The following RASIP1 variants were observed in gnomAD, a reference collection of about 807,000 sequenced individuals.
RASIP1 encodes the protein ras-interacting protein 1.
RASIP1 carries 20 observed loss-of-function variants against 85.3 expected under a neutral mutation model. That is an observed-to-expected ratio of 0.23 (90% confidence interval 0.17 to 0.34). The LOEUF (loss-of-function observed/expected upper bound fraction) is 0.34. Among genes scored for constraint, RASIP1 ranks in the 10% least tolerant of loss-of-function variants. The pLI is 1.00. For missense variants in RASIP1, 1,170 were observed against 1,390.9 expected, an observed-to-expected ratio of 0.84 and a Z score of 2.53; for synonymous variants, 617 against 647.1, an observed-to-expected ratio of 0.95 and a Z score of 0.71.
In RASIP1 at chr19:48,720,930, G is replaced by T; in HGVS notation, c.2760C>A (p.Arg920=). The T allele has an allele frequency of 2.5e-6, 4 of 1,613,588 alleles. No homozygotes were observed. Among genetic ancestry groups the T allele is most frequent in the Non-Finnish European group, 3.4e-6 (4 of 1,179,924 alleles). Residue 920 remains arginine (R), a synonymous_variant, in exon 12 of 12, where the codon CGC becomes CGA. Transcript: ENST00000222145. ...CATCGTCCGTCACTGGACCAGTGAG[G>T]CGCAGGCGCGAGCTCCCCAGGGGGA... The part of the protein sequence containing the change: ...LILPLGSSRL[R]LTGPVTDDAL...
In RASIP1 at chr19:48,740,420, G is replaced by A; in HGVS notation, c.-5+101C>T. ...GCGAGTCCAGGGGGAGGAGAGGGAT[G>A]GTACCCTGGATTCCTGGGTCCTGGG... On this transcript the variant is annotated intron_variant, in intron 1 of 11. Coordinates refer to ENST00000222145, the MANE Select transcript of RASIP1 (RefSeq NM_017805.3). The surrounding 1 kb of genome is among the most constrained non-coding windows in gnomAD (Gnocchi z 5.5). 2 of 1,395,610 alleles carry A rather than the reference G, an allele frequency of 1.4e-6. No individual in the cohort carries two copies. The highest frequency in any genetic ancestry group is 1.9e-6 in the Non-Finnish European group (2 of 1,065,518). The allele number at this position is 1,395,610 out of a possible 1,614,324, so 86.5% of individuals were successfully genotyped here. A position where few individuals can be genotyped will look rare whatever the true frequency, so the allele number is the denominator to read the frequency against.
rs929364189 is a variant in RASIP1 at position 48,729,562 on chromosome 19, T to C, written c.1208A>G (p.Glu403Gly). 6 of 1,601,320 alleles carry C rather than the reference T, an allele frequency of 3.7e-6. No individual in the cohort carries two copies. The change falls in exon 5 of 12, where the codon GAG (glutamate) becomes GGG (glycine). Residue 403 changes from glutamate to glycine, a missense_variant. Transcript: ENST00000222145. ...CCCACCTCGCCCAAACACGTGCTGC[T>C]CTCGCGTCATCACATACACCACAAA... ...QDFVVYVMTR[E>G]QHVFGRGGNS...
rs1343851824 is a variant in RASIP1, at chr19:48,724,966, A to G, written c.2128-6T>C. On this transcript the variant is annotated splice_region_variant and splice_polypyrimidine_tract_variant and intron_variant, in intron 8 of 11. Coordinates refer to ENST00000222145, the MANE Select transcript of RASIP1 (RefSeq NM_017805.3). The surrounding 1 kb of genome is among the most constrained non-coding windows in gnomAD (Gnocchi z 4.6). ...GGCAGCGTTGAATAGAGAGTCTGAG[A>G]AAATAGAGAAGTGGAAACAAGTGAT... 1.2e-6 allele frequency: 2 copies of G among 1,607,980 alleles called. No homozygotes were observed. The highest frequency in any genetic ancestry group is 3.3e-5 in the Admixed American group (2 of 59,864).
intron 4 of RASIP1, among the ~76,000 whole-genome samples, chr19:48,731,980 C>A (rs2033466090): frequency 6.6e-6 from 1 of 152,178 alleles, no homozygotes; most frequent in Non-Finnish European, 1.5e-5. Flanking sequence ...ATCGGCAAAC[C>A]AAATGAATTC....
At position 48,721,871 on chromosome 19, in the gene RASIP1, C is replaced by T. The variant is rs764966014; in HGVS notation, c.2675G>A (p.Arg892Gln). ...PAAWDPPPAE[R>Q]EAVDTGDIFE... ...CTCCTCACCTGTGTCCACAGCCTCC[C>T]GCTCTGCAGGGGGAGGGTCCCACGC... The change falls in exon 11 of 12, where the codon CGG becomes CAG. Residue 892 changes from arginine to glutamine, a missense_variant. Around this residue, in one of 4 missense-constraint regions of RASIP1, gnomAD observed 144 missense variants for 125.5 expected, o/e 1.15. Transcript: ENST00000222145. 2.5e-6 allele frequency: 4 copies of T among 1,606,546 alleles called. No homozygotes were observed. Among genetic ancestry groups the T allele is most frequent in the Non-Finnish European group, 3.4e-6 (4 of 1,176,846 alleles).
At chr19:48,736,116 T>G (rs1301625439) in intron 3 of RASIP1, among the ~76,000 whole-genome samples, 2 of 151,594 alleles carry the variant, frequency 1.3e-5, no homozygotes, top group Admixed American at 6.6e-5. Context: ...GCCCATTTGT[T>G]CTTTTAACAA....
chr19:48,729,045 G>T lies in RASIP1; in HGVS notation c.1725C>A (p.Pro575=). ...GCACGCACAGCGCCAGCAGCGTGGCGGGCCCGAGGGGCGGCAGGTCTCCCG... is the reference window on the plus strand; with the variant it reads ...GCACGCACAGCGCCAGCAGCGTGGCTGGCCCGAGGGGCGGCAGGTCTCCCG... ...AGSGDLPPLG[P]ATLLALCVQH... The change falls in exon 5 of 12, where the codon CCC becomes CCA. Residue 575 remains proline, a synonymous_variant. Coordinates refer to ENST00000222145, the MANE Select transcript of RASIP1 (RefSeq NM_017805.3). The T allele has an allele frequency of 2.1e-6, 3 of 1,399,732 alleles. No homozygotes were observed. Among genetic ancestry groups the T allele is most frequent in the Non-Finnish European group, 2.8e-6 (3 of 1,086,494 alleles). The allele number at this position is 1,399,732 out of a possible 1,614,324, so 86.7% of individuals were successfully genotyped here.
chr19:48,724,962 T>C lies in RASIP1; in HGVS notation c.2128-2A>G, dbSNP rs2033316339. On this transcript the variant is annotated splice_acceptor_variant, in intron 8 of 11. Coordinates refer to ENST00000222145, the MANE Select transcript of RASIP1 (RefSeq NM_017805.3). LOFTEE classifies it high-confidence loss of function. The surrounding 1 kb of genome is among the most constrained non-coding windows in gnomAD (Gnocchi z 4.6). ...AGCAGGCAGCGTTGAATAGAGAGTC[T>C]GAGAAAATAGAGAAGTGGAAACAAG... 6.2e-7 allele frequency: 1 copy of C among 1,608,808 alleles called. No homozygotes were observed. The highest frequency in any genetic ancestry group is 1.3e-5 in the African/African-American group (1 of 74,786).
In RASIP1 at chr19:48,734,583, G is replaced by A. The variant is rs143020130; in HGVS notation, c.1179+613C>T. Among the ~76,000 whole-genome samples the A allele has an allele frequency of 5.5e-3, 834 of 151,738 alleles. 10 individuals are homozygous for A. The highest frequency in any genetic ancestry group is 0.019 in the African/African-American group (793 of 41,358). The stretch of plus-strand genomic sequence containing the variant: ...GCTCACCGCAACCTCTGCCTTCCGG[G>A]TTCAAACGATTCCCCTGCCTCAGCC... On this transcript the variant is annotated intron_variant, in intron 4 of 11. Coordinates refer to ENST00000222145, the MANE Select transcript of RASIP1 (RefSeq NM_017805.3).
In RASIP1 at chr19:48,724,910, A is replaced by G; in HGVS notation, c.2178T>C (p.Ala726=). 6.2e-7 allele frequency: 1 copy of G among 1,614,242 alleles called. No homozygotes were observed. The highest frequency in any genetic ancestry group is 8.5e-7 in the Non-Finnish European group (1 of 1,180,046). Residue 726 remains alanine (A), a synonymous_variant, in exon 9 of 12, where the codon GCT becomes GCC. Coordinates refer to ENST00000222145, the MANE Select transcript of RASIP1 (RefSeq NM_017805.3). The surrounding 1 kb of genome is among the most constrained non-coding windows in gnomAD (Gnocchi z 4.6). Reference sequence around the variant, plus strand: ...CGCCAGGCCCCGGCAGCTCTGCACCAGCTGTGAAAGGGTTACTATCCAGGA... The same window carrying G: ...CGCCAGGCCCCGGCAGCTCTGCACCGGCTGTGAAAGGGTTACTATCCAGGA... ...PALLDSNPFT[A]GAELPGPGAE... is the part of the protein sequence containing the mutation.
rs1197698767 is a variant in RASIP1 at position 48,738,695 on chromosome 19, C to G, written c.823+265G>C. 1.5e-5 allele frequency: 5 copies of G among 325,512 alleles called. No individual in the cohort carries two copies. Among genetic ancestry groups the G allele is most frequent in the Admixed American group, 5.2e-5 (1 of 19,272 alleles). The allele number at this position is 325,512 out of a possible 1,614,324, so 20.2% of individuals were successfully genotyped here. On this transcript the variant is annotated intron_variant, in intron 3 of 11. Transcript: ENST00000222145. The surrounding 1 kb of genome is among the most constrained non-coding windows in gnomAD (Gnocchi z 4.0). ...CACCAGCAACCAGCCCCCGTCCCGC[C>G]TAAGCCCCAAGCTTGGCCCCTGTAA...
In RASIP1 at chr19:48,729,117, C is replaced by T; in HGVS notation, c.1653G>A (p.Glu551=). 7.3e-7 allele frequency: 1 copy of T among 1,365,948 alleles called. No individual in the cohort carries two copies. Among genetic ancestry groups the T allele is most frequent in the Non-Finnish European group, 9.4e-7 (1 of 1,064,074 alleles). 84.6% of individuals were successfully genotyped at this position (1,365,948 alleles called of 1,614,324 possible). A position where few individuals can be genotyped will look rare whatever the true frequency, so the allele number is the denominator to read the frequency against. The stretch of plus-strand genomic sequence containing the variant: ...CGATCTCGCCCAGCAGCGCCTCCTC[C>T]TCGCGCGGCCGGAAGCGCAGGACTG... ...REPVLRFRPR[E]EEALLGEIVR... The change falls in exon 5 of 12, where the codon GAG becomes GAA. Residue 551 remains glutamate, a synonymous_variant. Coordinates refer to ENST00000222145, the MANE Select transcript of RASIP1 (RefSeq NM_017805.3).
At chr19:48,734,648 C>T (rs1200592873) in intron 4 of RASIP1, among the ~76,000 whole-genome samples, 4 of 152,044 alleles carry the variant, frequency 2.6e-5, no homozygotes, top group Admixed American at 6.6e-5. Context: ...CCACCACACC[C>T]GGCTAATTTT....
At position 48,721,840 on chromosome 19, in the gene RASIP1, C is replaced by T; in HGVS notation, c.2692+14G>A. The T allele has an allele frequency of 6.2e-7, 1 of 1,600,038 alleles. No individual in the cohort carries two copies. ...AAGCTGACAGCCCCAATGCTGTATC[C>T]CATTGCTCCTCACCTGTGTCCACAG... On this transcript the variant is annotated intron_variant, in intron 11 of 11. Coordinates refer to ENST00000222145, the MANE Select transcript of RASIP1 (RefSeq NM_017805.3).
intron 8 of RASIP1, 125 bp from the exon 9 acceptor site, chr19:48,725,085 A>C: frequency 1.7e-6 from 2 of 1,171,270 alleles, no homozygotes; most frequent in Non-Finnish European, 2.4e-6. Flanking sequence ...TCCATTCTAC[A>C]GTCAACACCC....
intron 3 of RASIP1, among the ~76,000 whole-genome samples, chr19:48,737,286 G>A (rs1353406227): frequency 6.6e-6 from 1 of 152,192 alleles, no homozygotes; most frequent in African/African-American, 2.4e-5. Context: ...TCAAACCCCA[G>A]TTCAAAGCCC....
At chr19:48,721,072 G>T (rs918291339) in intron 11 of RASIP1, 75 bp from the exon 12 acceptor site, 2 of 1,284,366 alleles carry the variant, frequency 1.6e-6, no homozygotes, top group Non-Finnish European at 2.1e-6. Context: ...AGCCGAGGCT[G>T]CGTCACACCC....
chr19:48,722,714 A>G (rs2033271194), intron 10 of RASIP1, among the ~76,000 whole-genome samples: 1 of 152,184 alleles, frequency 6.6e-6, no homozygotes, highest in African/African-American at 2.4e-5. Context: ...CCTGAGTTCA[A>G]AAATCCCAGG....
chr19:48,737,502 CCCTT>C, intron 3 of RASIP1: 1 of 985,450 alleles, frequency 1.0e-6, no homozygotes, highest in East Asian at 1.1e-4. Context: ...TTCCTTCAGC[CCCTT>C]CCTTTCCCAT....
Sources: gnomAD v4.1 joint callset for allele counts (sites outside exome capture counted in the v4.1 genomes callset) on GRCh38, gnomAD v4.1.1 for gene constraint, gnomAD v4.1.1 regional missense constraint, Gnocchi (gnomAD v3.1) non-coding constraint, MANE v1.5 for transcripts, NCBI Gene and HGNC (gene_info 2026-07-23, HGNC 2026-07-21) for gene names.